The following TMEM178B variants were observed in gnomAD, a reference collection of about 807,000 sequenced individuals.
TMEM178B encodes transmembrane protein 178B.
Under a neutral mutation model 31.0 loss-of-function variants are expected in TMEM178B, and 5 were observed. The observed-to-expected ratio is 0.16, with a 90% confidence interval of 0.08 to 0.34. TMEM178B has a LOEUF of 0.34. Among genes scored for constraint, TMEM178B ranks in the 10% least tolerant of loss-of-function variants. The pLI is 1.00. For synonymous variants in TMEM178B, 164 were observed against 164.0 expected (o/e 1.00, Z 0.00); for missense variants, 275 against 400.3 (o/e 0.69, Z 2.67).
intron 2 of TMEM178B, among the ~76,000 whole-genome samples, chr7:141,435,948 G>A (rs970583903): frequency 6.6e-6 from 1 of 152,072 alleles, no homozygotes; most frequent in Non-Finnish European, 1.5e-5. Flanking sequence ...TCCTCTGTAG[G>A]CCCCTCCTCA....
intron 2 of TMEM178B, among the ~76,000 whole-genome samples, chr7:141,324,926 C>T (rs1586892522): frequency 1.3e-5 from 2 of 152,198 alleles, no homozygotes; most frequent in African/African-American, 4.8e-5. Flanking sequence ...ATAATCTGCT[C>T]TTTGTGACAG....
chr7:141,419,375 T>A (rs1303373794), intron 2 of TMEM178B, among the ~76,000 whole-genome samples: 6 of 152,216 alleles, frequency 3.9e-5, no homozygotes, highest in African/African-American at 1.4e-4. Context: ...GAGTCATCAG[T>A]GGCTCATCTT....
intron 2 of TMEM178B, among the ~76,000 whole-genome samples, chr7:141,220,348 AATAATAATAAT>A (rs1797237132): frequency 4.0e-5 from 5 of 125,556 alleles, no homozygotes; most frequent in Admixed American, 8.1e-5. Context: ...TAATAATAAT[AATAATAATAAT>A]AAAATAATAA....
At chr7:141,209,117 G>T (rs1250851553) in intron 1 of TMEM178B, among the ~76,000 whole-genome samples, 1 of 152,226 alleles carries the variant, frequency 6.6e-6, no homozygotes, top group Non-Finnish European at 1.5e-5. Flanking sequence ...GTGCCATTGT[G>T]CAGGACACAA....
At chr7:141,363,066 T>C (rs996136639) in intron 2 of TMEM178B, among the ~76,000 whole-genome samples, 13 of 152,022 alleles carry the variant, frequency 8.6e-5, no homozygotes, top group African/African-American at 3.1e-4. Flanking sequence ...TTCTGGAAAA[T>C]TGGCAAGGCG....
intron 1 of TMEM178B, among the ~76,000 whole-genome samples, chr7:141,172,175 A>G (rs1279785555): frequency 6.6e-6 from 1 of 152,164 alleles, no homozygotes; most frequent in Non-Finnish European, 1.5e-5. Context: ...CAGTGAACAT[A>G]AAGTAGTCTA....
chr7:141,503,538 G>A, the TMEM178B span, among the ~76,000 whole-genome samples: 1 of 152,186 alleles, frequency 6.6e-6, no homozygotes, highest in African/African-American at 2.4e-5. Flanking sequence ...TGAATGTCCT[G>A]AGGTCCTTCG....
At chr7:141,438,483 C>G (rs1239155893) in intron 3 of TMEM178B, among the ~76,000 whole-genome samples, 1 of 151,712 alleles carries the variant, frequency 6.6e-6, no homozygotes, top group Non-Finnish European at 1.5e-5. Flanking sequence ...AAGTTGACCA[C>G]TGGGTATGTC....
intron 2 of TMEM178B, among the ~76,000 whole-genome samples, chr7:141,285,988 T>A (rs1798442032): frequency 6.6e-6 from 1 of 152,152 alleles, no homozygotes; most frequent in East Asian, 1.9e-4. Flanking sequence ...AAATACCTAA[T>A]GTAGATGACG....
At chr7:141,190,317 GT>G (rs544647978) in intron 1 of TMEM178B, among the ~76,000 whole-genome samples, 7 of 148,282 alleles carry the variant, frequency 4.7e-5, no homozygotes, top group South Asian at 4.3e-4. Flanking sequence ...TGTAACTTTT[GT>G]TTTTTTTTTC....
intron 2 of TMEM178B, among the ~76,000 whole-genome samples, chr7:141,298,796 T>C (rs1397742831): frequency 6.6e-6 from 1 of 152,256 alleles, no homozygotes; most frequent in Non-Finnish European, 1.5e-5. Context: ...CATTTGCAGA[T>C]ATGCAATCCA....
chr7:141,382,808 C>G (rs1238896151), intron 2 of TMEM178B, among the ~76,000 whole-genome samples: 1 of 152,214 alleles, frequency 6.6e-6, no homozygotes. Flanking sequence ...ACAAACAAAC[C>G]TCACAATGCA....
chr7:141,317,680 C>T (rs1799030277), intron 2 of TMEM178B, among the ~76,000 whole-genome samples: 1 of 152,150 alleles, frequency 6.6e-6, no homozygotes, highest in Non-Finnish European at 1.5e-5. Context: ...CAGCATAAAA[C>T]TGATTAGAAA....
the TMEM178B span, among the ~76,000 whole-genome samples, chr7:141,510,685 CAAAAAAAAAAAAA>C: frequency 4.4e-4 from 11 of 24,966 alleles, no homozygotes; most frequent in Admixed American, 2.5e-3. Flanking sequence ...AACTCCGTCT[CAAAAAAAAAAAAA>C]AAAAAAAAAA....
At chr7:141,506,652 A>G in the TMEM178B span, among the ~76,000 whole-genome samples, 1 of 152,182 alleles carries the variant, frequency 6.6e-6, no homozygotes, top group African/African-American at 2.4e-5. Context: ...AAACCATACC[A>G]TTCCTCACTT....
At chr7:141,343,844 C>T (rs1489321383) in intron 2 of TMEM178B, among the ~76,000 whole-genome samples, 2 of 152,138 alleles carry the variant, frequency 1.3e-5, no homozygotes, top group East Asian at 3.9e-4. Flanking sequence ...CCACCGCGCC[C>T]AGCCGGGAAC....
At chr7:141,489,099 G>C in the TMEM178B span, among the ~76,000 whole-genome samples, 1 of 152,176 alleles carries the variant, frequency 6.6e-6, no homozygotes, top group Non-Finnish European at 1.5e-5. Flanking sequence ...TTGTGATCAT[G>C]TCGAATACAC....
At chr7:141,487,827 A>T in the TMEM178B span, among the ~76,000 whole-genome samples, 2 of 151,884 alleles carry the variant, frequency 1.3e-5, no homozygotes, top group East Asian at 3.9e-4. Context: ...GAGAAGAAAA[A>T]GGAAACATTT....
At chr7:141,257,893 C>T (rs1797952969) in intron 2 of TMEM178B, among the ~76,000 whole-genome samples, 1 of 151,616 alleles carries the variant, frequency 6.6e-6, no homozygotes, top group African/African-American at 2.4e-5. Context: ...TATATGGTCT[C>T]CTATCATTTT....
Sources: gnomAD v4.1 joint callset for allele counts (sites outside exome capture counted in the v4.1 genomes callset) on GRCh38, gnomAD v4.1.1 for gene constraint, MANE v1.5 for transcripts, NCBI Gene and HGNC (gene_info 2026-07-23, HGNC 2026-07-21) for gene names.